JHY: variants seen among roughly 807,000 people sequenced by gnomAD.
JHY encodes the protein junctional cadherin complex regulator.
A neutral mutation model predicts 78.0 loss-of-function variants in JHY; 69 were observed. That is an observed-to-expected ratio of 0.88 (90% confidence interval 0.73 to 1.08). The LOEUF is 1.08. JHY is among the 50% of genes least tolerant of loss of function. The probability of loss-of-function intolerance (pLI) is 0.00; values close to 1 mark genes in which losing one functional copy is unlikely to be tolerated. For synonymous variants in JHY, 368 were observed against 342.6 expected, an observed-to-expected ratio of 1.07 and a Z score of -0.82; for missense variants, 944 against 927.8, an observed-to-expected ratio of 1.02 and a Z score of -0.23.
chr11:122,934,168 G>A (rs1863694138), intron 4 of JHY, among the ~76,000 whole-genome samples: 1 of 151,874 alleles, frequency 6.6e-6, no homozygotes, highest in Non-Finnish European at 1.5e-5. Flanking sequence ...CACCTTCCTA[G>A]AAGTCTCAAC....
At position 122,935,131 on chromosome 11, in the gene JHY, A is replaced by G. The variant is rs771611018; in HGVS notation, c.1634+56A>G. ...TAGAGGAGAAAGGAGAGACTGCTGC[A>G]GAAAGACGGGAGAGGAAGAAGGGGA... On this transcript the variant is annotated intron_variant, in intron 5 of 8. Transcript: ENST00000227349. The surrounding 1 kb of genome is among the most constrained non-coding windows in gnomAD (Gnocchi z 4.5). 2 of 1,442,610 alleles carry G rather than the reference A, an allele frequency of 1.4e-6. No homozygotes were observed. Among genetic ancestry groups the G allele is most frequent in the South Asian group, 1.5e-5 (1 of 68,598 alleles). 89.4% of individuals were successfully genotyped at this position (1,442,610 alleles called of 1,614,324 possible).
intron 5 of JHY, among the ~76,000 whole-genome samples, chr11:122,940,759 C>G (rs1391051974): frequency 1.3e-5 from 2 of 152,136 alleles, no homozygotes; most frequent in Non-Finnish European, 2.9e-5. Context: ...TTTTGTAATT[C>G]TATCAATACC....
chr11:122,940,084 A>C (rs1342720671), intron 5 of JHY, among the ~76,000 whole-genome samples: 1 of 151,758 alleles, frequency 6.6e-6, no homozygotes, highest in Non-Finnish European at 1.5e-5. Flanking sequence ...CACACCTGTA[A>C]TCCCAGCACT....
intron 2 of JHY, among the ~76,000 whole-genome samples, chr11:122,891,785 C>T (rs879524916): frequency 3.3e-5 from 5 of 152,022 alleles, no homozygotes; most frequent in Non-Finnish European, 7.4e-5. Context: ...TATAGGTATA[C>T]GTAATTACTA....
At chr11:122,887,160 C>T (rs1324975199) in intron 2 of JHY, among the ~76,000 whole-genome samples, 2 of 152,176 alleles carry the variant, frequency 1.3e-5, no homozygotes, top group Non-Finnish European at 2.9e-5. Flanking sequence ...CACTTACTAG[C>T]TGTATAACCT....
intron 2 of JHY, among the ~76,000 whole-genome samples, chr11:122,891,094 T>C (rs1254794822): frequency 6.6e-6 from 1 of 152,148 alleles, no homozygotes; most frequent in Non-Finnish European, 1.5e-5. Flanking sequence ...GATCTCAGAC[T>C]CTCAATATGA....
intron 8 of JHY, among the ~76,000 whole-genome samples, chr11:122,957,717 C>T (rs1864222686): frequency 6.6e-6 from 1 of 151,494 alleles, no homozygotes; most frequent in Admixed American, 6.6e-5. Flanking sequence ...AAAACCTTCC[C>T]ATTTTTTTGG....
At chr11:122,903,745 G>C (rs3134400) in intron 2 of JHY, among the ~76,000 whole-genome samples, 180 bp from the exon 3 acceptor site, 1 of 152,088 alleles carries the variant, frequency 6.6e-6, no homozygotes, top group Non-Finnish European at 1.5e-5. Context: ...GCTTCCCAAA[G>C]TGTTGGGATT....
intron 7 of JHY, among the ~76,000 whole-genome samples, chr11:122,956,872 T>G (rs1295698137): frequency 6.6e-6 from 1 of 152,180 alleles, no homozygotes; most frequent in African/African-American, 2.4e-5. Flanking sequence ...GTTGTTGGTC[T>G]TTCCTACTAG....
rs80331633 is a variant in JHY, at chr11:122,911,315, A to G, written c.864+6871A>G. Among the ~76,000 whole-genome samples, 1,393 of 152,344 alleles carry G rather than the reference A, an allele frequency of 9.1e-3. 17 individuals carry two copies. Among genetic ancestry groups the G allele is most frequent in the African/African-American group, 0.032 (1,335 of 41,576 alleles). On this transcript the variant is annotated intron_variant, in intron 3 of 8. Transcript: ENST00000227349. ...ATGTGATATGGTTATTGAATGGCCT[A>G]TAGTCAAGACAATATAAAGTCACAA...
chr11:122,925,320 G>A (rs1863473128), intron 4 of JHY, among the ~76,000 whole-genome samples: 1 of 152,190 alleles, frequency 6.6e-6, no homozygotes, highest in Admixed American at 6.5e-5. Context: ...CAGTTCCAGA[G>A]AATTGTCCAA....
intron 3 of JHY, among the ~76,000 whole-genome samples, chr11:122,913,136 T>A (rs1264240969): frequency 1.3e-5 from 2 of 152,128 alleles, no homozygotes; most frequent in African/African-American, 4.8e-5. Flanking sequence ...CTCAAAAGAC[T>A]GCCTGCAAAG....
chr11:122,932,991 A>G (rs921492956), intron 4 of JHY, among the ~76,000 whole-genome samples: 1 of 152,220 alleles, frequency 6.6e-6, no homozygotes, highest in East Asian at 1.9e-4. Flanking sequence ...TAAATTTCAA[A>G]TTAGAAGTCG....
chr11:122,885,764 A>G lies in JHY; in HGVS notation c.-86A>G. 2 of 1,031,820 alleles carry G rather than the reference A, an allele frequency of 1.9e-6. No individual in the cohort carries two copies. The highest frequency in any genetic ancestry group is 2.9e-6 in the Non-Finnish European group (2 of 700,334). 63.9% of individuals were successfully genotyped at this position (1,031,820 alleles called of 1,614,324 possible). On this transcript the variant is annotated 5_prime_UTR_variant, in exon 2 of 9. Transcript: ENST00000227349. The stretch of plus-strand genomic sequence containing the variant: ...ACATAAATATATTTTTTTTCAGGTA[A>G]CGCTTTTGTGAACCACAACTTTAAA...
chr11:122,891,683 A>G (rs1279284650), intron 2 of JHY, among the ~76,000 whole-genome samples: 1 of 152,130 alleles, frequency 6.6e-6, no homozygotes, highest in African/African-American at 2.4e-5. Context: ...TCTTTGCTTT[A>G]TATATACAAT....
intron 5 of JHY, among the ~76,000 whole-genome samples, chr11:122,940,035 A>T (rs1189059029): frequency 3.5e-5 from 4 of 114,352 alleles, no homozygotes; most frequent in Non-Finnish European, 7.9e-5. Flanking sequence ...CCCTTTAATT[A>T]AAAAAAAAAA....
intron 3 of JHY, among the ~76,000 whole-genome samples, chr11:122,916,732 CA>C (rs1267253562): frequency 6.6e-6 from 1 of 152,114 alleles, no homozygotes; most frequent in Admixed American, 6.6e-5. Flanking sequence ...CTCCACCTCC[CA>C]GGTTCAAGTA....
At chr11:122,927,205 A>G (rs933721014) in intron 4 of JHY, 1 of 152,240 alleles carries the variant, frequency 6.6e-6, no homozygotes, top group African/African-American at 2.4e-5. Context: ...TCAAGGTAAA[A>G]TCGCAGTGCT....
At chr11:122,909,087 A>C (rs1042921747) in intron 3 of JHY, among the ~76,000 whole-genome samples, 3 of 152,204 alleles carry the variant, frequency 2.0e-5, no homozygotes, top group Non-Finnish European at 4.4e-5. Flanking sequence ...TTAACAAAGA[A>C]AAGTTAATAT....
Sources: gnomAD v4.1 joint callset for allele counts (sites outside exome capture counted in the v4.1 genomes callset) on GRCh38, gnomAD v4.1.1 for gene constraint, Gnocchi (gnomAD v3.1) non-coding constraint, MANE v1.5 for transcripts, NCBI Gene and HGNC (gene_info 2026-07-23, HGNC 2026-07-21) for gene names.